Variants in ENOX2 observed in about 807,000 individuals in gnomAD.
ENOX2 encodes the protein ecto-NOX disulfide-thiol exchanger 2.
A neutral mutation model predicts 45.0 loss-of-function variants in ENOX2; 36 were observed. The observed-to-expected ratio is 0.80, with a 90% CI of 0.61 to 1.06. The LOEUF is 1.06. Ranked by LOEUF, ENOX2 falls within the 50% of genes least tolerant of loss-of-function variation. The pLI is 0.00. For missense variants in ENOX2, 423 were observed against 462.5 expected (o/e 0.91, Z 0.78); for synonymous variants, 174 against 152.3 (o/e 1.14, Z -1.05).
At chrX:130,744,596 T>C (rs1311840803) in intron 3 of ENOX2, among the ~76,000 whole-genome samples, 1 of 112,359 alleles carries the variant, frequency 8.9e-6, no homozygotes, top group African/African-American at 3.2e-5. Context: ...AATTGAAATA[T>C]ACATCATTTT....
chrX:130,895,805 T>G (rs745761705), intron 2 of ENOX2, among the ~76,000 whole-genome samples: 1 of 112,206 alleles, frequency 8.9e-6, no homozygotes, highest in Non-Finnish European at 1.9e-5. Context: ...TGTTTTATAC[T>G]ATGTATCAGT....
intron 12 of ENOX2, among the ~76,000 whole-genome samples, chrX:130,632,029 T>A (rs1315069898): frequency 1.8e-5 from 2 of 110,932 alleles, no homozygotes; most frequent in South Asian, 3.8e-4. Flanking sequence ...ATTGTTTTTT[T>A]AAAAAAGTTT....
intron 2 of ENOX2, among the ~76,000 whole-genome samples, chrX:130,864,385 G>A (rs978785706): frequency 1.8e-5 from 2 of 110,771 alleles, no homozygotes; most frequent in African/African-American, 6.6e-5. Context: ...TCAAGCCTTC[G>A]GATTCAACCA....
intron 2 of ENOX2, among the ~76,000 whole-genome samples, chrX:130,850,698 A>G (rs2148517189): frequency 8.9e-6 from 1 of 112,354 alleles, no homozygotes; most frequent in South Asian, 3.7e-4. Flanking sequence ...CTTTGCCAGG[A>G]AATTTTTCTT....
intron 3 of ENOX2, among the ~76,000 whole-genome samples, chrX:130,775,173 G>A (rs1349816798): frequency 2.7e-5 from 3 of 111,321 alleles, no homozygotes; most frequent in Non-Finnish European, 5.7e-5. Context: ...CTTGAGCTAG[G>A]AGTTCCAGAC....
chrX:130,630,968 C>G (rs1257101280), intron 13 of ENOX2, among the ~76,000 whole-genome samples: 1 of 83,989 alleles, frequency 1.2e-5, no homozygotes, highest in African/African-American at 3.8e-5. Flanking sequence ...GAGGTTAAAA[C>G]AAACAAACAA....
chrX:130,892,832 T>A (rs1000320658), intron 2 of ENOX2, among the ~76,000 whole-genome samples: 2 of 112,412 alleles, frequency 1.8e-5, no homozygotes, highest in African/African-American at 6.5e-5. Context: ...CATAAAAAAA[T>A]TTTTTAAAAC....
chrX:130,692,603 C>A (rs1459722152), intron 4 of ENOX2, among the ~76,000 whole-genome samples: 1 of 96,103 alleles, frequency 1.0e-5, no homozygotes, highest in Non-Finnish European at 2.1e-5. Flanking sequence ...TTTTTTGAGA[C>A]GGAGTCCCGC....
chrX:130,804,967 G>A (rs1241039530), intron 2 of ENOX2, among the ~76,000 whole-genome samples: 2 of 111,042 alleles, frequency 1.8e-5, no homozygotes, highest in African/African-American at 6.6e-5. Flanking sequence ...GGGGTGATTA[G>A]GTTGACATCC....
At chrX:130,689,078 T>C in intron 4 of ENOX2, 60 bp from the exon 5 acceptor site, 1 of 1,030,239 alleles carries the variant, frequency 9.7e-7, no homozygotes, top group South Asian at 2.2e-5. Context: ...GGAGATAGAA[T>C]GTTACTTTGT....
At position 130,868,017 on chromosome X, in the gene ENOX2, T is replaced by A. The variant is rs750671837; in HGVS notation, c.-183+33667A>T. On this transcript the variant is annotated intron_variant, in intron 2 of 14. Transcript: ENST00000394363. Reference sequence around the variant, plus strand: ...AAAAATGTACATAAAGGTCAAAATGTAATAAACTAATAATAGTTACTGACT... The same window carrying A: ...AAAAATGTACATAAAGGTCAAAATGAAATAAACTAATAATAGTTACTGACT... Among the ~76,000 whole-genome samples the A allele has an allele frequency of 2.7e-5, 3 of 111,911 alleles. No homozygotes were observed. In the East Asian group the frequency reaches 8.4e-4, roughly 31 times the overall value.
intron 1 of ENOX2, among the ~76,000 whole-genome samples, chrX:130,902,403 T>C (rs1465055013): frequency 9.0e-6 from 1 of 110,861 alleles, no homozygotes; most frequent in East Asian, 2.8e-4. Flanking sequence ...TCCTTCCCTC[T>C]TTTGCTTCCC....
At chrX:130,884,164 T>TTAG (rs1221482503) in intron 2 of ENOX2, among the ~76,000 whole-genome samples, 1 of 112,119 alleles carries the variant, frequency 8.9e-6, no homozygotes, top group Non-Finnish European at 1.9e-5. Context: ...TTCATTTAAG[T>TTAG]CTAAAGAATG....
At chrX:130,884,919 T>A (rs2078876563) in intron 2 of ENOX2, among the ~76,000 whole-genome samples, 1 of 112,066 alleles carries the variant, frequency 8.9e-6, no homozygotes, top group African/African-American at 3.2e-5. Flanking sequence ...AACAATCTTA[T>A]AAGTTCATCC....
intron 10 of ENOX2, among the ~76,000 whole-genome samples, chrX:130,655,408 T>C (rs756308989): frequency 8.9e-6 from 1 of 111,740 alleles, no homozygotes; most frequent in Non-Finnish European, 1.9e-5. Flanking sequence ...CAAGTGGCTA[T>C]AGAGCTGCTG....
chrX:130,709,138 C>T (rs1822500487), intron 3 of ENOX2: 2 of 680,634 alleles, frequency 2.9e-6, no homozygotes, highest in African/African-American at 2.1e-5. Flanking sequence ...ACCTCATTTA[C>T]TTCTGCACCC....
intron 2 of ENOX2, among the ~76,000 whole-genome samples, chrX:130,832,469 A>ACACACACC (rs752116335): frequency 1.6e-4 from 17 of 104,998 alleles, no homozygotes; most frequent in African/African-American, 5.3e-4. Context: ...ACACACACAC[A>ACACACACC]CCCCACTTGG....
chrX:130,747,367 A>C (rs2039121279), intron 3 of ENOX2, among the ~76,000 whole-genome samples: 1 of 111,846 alleles, frequency 8.9e-6, no homozygotes, highest in South Asian at 3.8e-4. Flanking sequence ...TTTTAAATGA[A>C]AAGTCTGAAT....
Position 130,852,074 on chromosome X carries a change from A to G in ENOX2, c.-183+49610T>C, listed in dbSNP as rs141236749. Among the ~76,000 whole-genome samples, 1,013 of 112,009 alleles carry G rather than the reference A, an allele frequency of 9.0e-3. 12 individuals carry two copies. The highest frequency in any genetic ancestry group is 0.031 in the African/African-American group (953 of 30,804). On this transcript the variant is annotated intron_variant, in intron 2 of 14. Transcript: ENST00000394363. ...CCCCTATCCTAGGACAAGAAATATGACTTAGATGAGAAAAAAAAGAAGAAG... is the reference window on the plus strand; with the variant it reads ...CCCCTATCCTAGGACAAGAAATATGGCTTAGATGAGAAAAAAAAGAAGAAG...
Sources: allele counts gnomAD v4.1 joint callset (sites outside exome capture counted in the v4.1 genomes callset), GRCh38; gene constraint gnomAD v4.1.1; transcripts MANE v1.5; gene names NCBI Gene and HGNC (gene_info 2026-07-23, HGNC 2026-07-21).